Variants in CREM observed in about 807,000 individuals in gnomAD.
The protein encoded by CREM is cAMP responsive element modulator.
In CREM, 13 loss-of-function variants were observed where a neutral mutation model predicts 37.3. The ratio of observed to expected loss-of-function variants is 0.35; its 90% CI spans 0.23 to 0.55. The LOEUF (loss-of-function observed/expected upper bound fraction) is 0.55. Among genes scored for constraint, CREM ranks in the 20% least tolerant of loss-of-function variants. The probability of loss-of-function intolerance (pLI) is 0.88; values close to 1 mark genes in which losing one functional copy is unlikely to be tolerated. For synonymous variants in CREM, 124 were observed against 120.2 expected (o/e 1.03, Z -0.21); for missense variants, 296 against 362.3 (o/e 0.82, Z 1.49).
chr10:35,209,086 C>G (rs1206336976), intron 7 of CREM, among the ~76,000 whole-genome samples: 3 of 152,182 alleles, frequency 2.0e-5, no homozygotes, highest in Non-Finnish European at 4.4e-5. Flanking sequence ...GGATGGGCAA[C>G]CGGGCAGTCT....
chr10:35,127,441 G>C (rs1454331427), intron 1 of CREM: 1 of 152,162 alleles, frequency 6.6e-6, no homozygotes, highest in Admixed American at 6.5e-5. Flanking sequence ...CGCCCGCTTC[G>C]TGCGCTCAGC....
chr10:35,127,918 T>C (rs991103144), intron 1 of CREM, among the ~76,000 whole-genome samples: 2 of 152,180 alleles, frequency 1.3e-5, no homozygotes, highest in African/African-American at 4.8e-5. Flanking sequence ...TGATCTCGGC[T>C]CACTGCAGCC....
intron 1 of CREM, among the ~76,000 whole-genome samples, chr10:35,128,448 A>T (rs1177911986): frequency 6.6e-6 from 1 of 151,932 alleles, no homozygotes; most frequent in Non-Finnish European, 1.5e-5. Flanking sequence ...ATTGCATCAG[A>T]TTACATGAAT....
chr10:35,204,355 A>C (rs980443643), intron 6 of CREM, among the ~76,000 whole-genome samples: 1 of 152,164 alleles, frequency 6.6e-6, no homozygotes, highest in Non-Finnish European at 1.5e-5. Context: ...TAATCTCAGC[A>C]CTTTGGGAGG....
intron 6 of CREM, among the ~76,000 whole-genome samples, chr10:35,192,105 C>T (rs1414904147): frequency 6.6e-6 from 1 of 152,158 alleles, no homozygotes; most frequent in African/African-American, 2.4e-5. Context: ...CCCAGGCTAC[C>T]CCTGTGGGCT....
At chr10:35,171,352 A>T (rs2093812801) in intron 3 of CREM, 1 of 151,574 alleles carries the variant, frequency 6.6e-6, no homozygotes, top group South Asian at 2.1e-4. Context: ...TTGTATTTTT[A>T]GTAGAGAGAG....
At chr10:35,164,463 G>T (rs575072339) in intron 3 of CREM, among the ~76,000 whole-genome samples, 27 of 152,132 alleles carry the variant, frequency 1.8e-4, no homozygotes, top group African/African-American at 6.0e-4. Flanking sequence ...GCAAAGTTCC[G>T]GTATGTCAGG....
At chr10:35,191,730 C>G (rs745602074) in intron 6 of CREM, among the ~76,000 whole-genome samples, 1 of 152,116 alleles carries the variant, frequency 6.6e-6, no homozygotes, top group Non-Finnish European at 1.5e-5. Context: ...GCTAAGCTTC[C>G]CCTGCCCCTG....
chr10:35,209,182 T>C (rs969670564), intron 7 of CREM: 2 of 402,042 alleles, frequency 5.0e-6, no homozygotes, highest in African/African-American at 4.4e-5. Flanking sequence ...CCTGGGGAAG[T>C]GTGAGGCTTT....
intron 3 of CREM, chr10:35,175,462 TAGTTA>T (rs2094011345): frequency 2.0e-6 from 1 of 512,732 alleles, no homozygotes; most frequent in Non-Finnish European, 3.5e-6. Context: ...AAAAGAACCA[TAGTTA>T]AGTTCTATCT....
chr10:35,176,132 C>G lies in CREM; in HGVS notation c.169-2757C>G. On this transcript the variant is annotated intron_variant, in intron 3 of 7. Coordinates refer to ENST00000685392, the MANE Select transcript of CREM (RefSeq NM_183011.2). ...CTTTTTATTAGATATTTGGAGGAAT[C>G]TCTTCTCCTTGCGTAAGGTGCTCTG... The G allele has an allele frequency of 2.3e-6, 3 of 1,302,704 alleles. No homozygotes were observed. In the South Asian group the frequency reaches 4.7e-5, roughly 21 times the overall value. The allele number at this position is 1,302,704 out of a possible 1,614,324, so 80.7% of individuals were successfully genotyped here. A position where few individuals can be genotyped will look rare whatever the true frequency, so the allele number is the denominator to read the frequency against.
At chr10:35,169,965 C>CTTTTTTTT (rs71033381) in intron 3 of CREM, among the ~76,000 whole-genome samples, 1 of 135,550 alleles carries the variant, frequency 7.4e-6, no homozygotes, top group Admixed American at 7.6e-5. Flanking sequence ...GGTGGAGAAG[C>CTTTTTTTT]TTTTTTTTTT....
chr10:35,135,753 T>TA (rs1281654105), intron 1 of CREM, among the ~76,000 whole-genome samples: 9 of 118,832 alleles, frequency 7.6e-5, no homozygotes, highest in South Asian at 2.6e-4. Context: ...AGAGAGACAT[T>TA]AAAAAAAAAT....
intron 3 of CREM, among the ~76,000 whole-genome samples, chr10:35,164,211 T>C (rs1026371528): frequency 2.6e-5 from 4 of 152,236 alleles, no homozygotes; most frequent in African/African-American, 9.6e-5. Context: ...TGAGATGATT[T>C]GTGTGAAGCA....
intron 3 of CREM, among the ~76,000 whole-genome samples, chr10:35,148,970 A>C (rs1236691931): frequency 6.6e-6 from 1 of 152,208 alleles, no homozygotes; most frequent in Non-Finnish European, 1.5e-5. Flanking sequence ...GATATCTATT[A>C]AAAATATAGT....
At chr10:35,135,742 AAGAGAG>A (rs762721352) in intron 1 of CREM, among the ~76,000 whole-genome samples, 1 of 76,492 alleles carries the variant, frequency 1.3e-5, no homozygotes, top group African/African-American at 3.5e-5. Flanking sequence ...AAAAAAAAAA[AAGAGAG>A]ACATTAAAAA....
intron 2 of CREM, among the ~76,000 whole-genome samples, chr10:35,139,347 T>A (rs1240408586): frequency 6.6e-6 from 1 of 152,182 alleles, no homozygotes; most frequent in African/African-American, 2.4e-5. Context: ...CTCAAACTCC[T>A]GACCTCAGGT....
intron 6 of CREM, among the ~76,000 whole-genome samples, chr10:35,192,097 C>T (rs984915905): frequency 9.2e-5 from 14 of 152,330 alleles, no homozygotes; most frequent in African/African-American, 3.4e-4. Flanking sequence ...CCCTCTGACC[C>T]AGGCTACCCC....
intron 7 of CREM, among the ~76,000 whole-genome samples, chr10:35,208,367 C>T (rs2095585805): frequency 6.6e-6 from 1 of 152,022 alleles, no homozygotes; most frequent in Admixed American, 6.5e-5. Context: ...ATGCTATTTT[C>T]TAAAACTTTT....
Sources: allele counts gnomAD v4.1 joint callset (sites outside exome capture counted in the v4.1 genomes callset), GRCh38; gene constraint gnomAD v4.1.1; transcripts MANE v1.5; gene names NCBI Gene and HGNC (gene_info 2026-07-23, HGNC 2026-07-21).